SPNS2: variants seen among roughly 807,000 people sequenced by gnomAD.
SPNS2 encodes the protein sphingosine-1-phosphate transporter SPNS2.
In SPNS2, 37 loss-of-function variants were observed where a neutral mutation model predicts 57.6. That is an observed-to-expected ratio of 0.64 (90% confidence interval 0.49 to 0.85). The LOEUF is 0.85. Among genes scored for constraint, SPNS2 ranks in the 40% least tolerant of loss-of-function variants. The pLI, the probability that SPNS2 is intolerant of heterozygous loss-of-function variation, is 0.00. For missense variants in SPNS2, 831 were observed against 779.1 expected (o/e 1.07, Z -0.79); for synonymous variants, 440 against 346.9 (o/e 1.27, Z -2.98).
At position 4,512,303 on chromosome 17, in the gene SPNS2, G is replaced by T. The variant is rs1904848750; in HGVS notation, c.371-944G>T. On this transcript the variant is annotated intron_variant, in intron 1 of 12. Coordinates refer to ENST00000329078, the MANE Select transcript of SPNS2 (RefSeq NM_001124758.3). The surrounding 1 kb of genome is among the most constrained non-coding windows in gnomAD (Gnocchi z 5.2). ...CAGATAATGCAGGCAGGGACCCTGA[G>T]GCCCACGGGGATGGGGGTTGTGCTT... Among the ~76,000 whole-genome samples the T allele has an allele frequency of 3.9e-5, 6 of 152,206 alleles. No individual in the cohort carries two copies. In the South Asian group the frequency reaches 1.2e-3, roughly 32 times the overall value.
chr17:4,530,880 G>C (rs956143084), intron 4 of SPNS2, 97 bp downstream of exon 4: 15 of 1,512,528 alleles, frequency 9.9e-6, no homozygotes, highest in African/African-American at 1.4e-5. Context: ...GCCCAGGCAG[G>C]CGTCCTCAGA....
chr17:4,503,027 TC>T (rs1242395839), intron 1 of SPNS2, among the ~76,000 whole-genome samples: 1 of 152,238 alleles, frequency 6.6e-6, no homozygotes, highest in Non-Finnish European at 1.5e-5. Flanking sequence ...TGCTTGCTCT[TC>T]TTACCGAGCG....
At chr17:4,513,360 G>T in intron 2 of SPNS2, 48 bp downstream of exon 2, 2 of 1,601,582 alleles carry the variant, frequency 1.2e-6, no homozygotes, top group Non-Finnish European at 1.7e-6. Context: ...CGTTGGCGTC[G>T]TGGGTCCTGT....
Position 4,533,290 on chromosome 17 carries a change from T to G in SPNS2, c.1136T>G (p.Val379Gly). 6.2e-7 allele frequency: 1 copy of G among 1,610,634 alleles called. No homozygotes were observed. The highest frequency in any genetic ancestry group is 8.5e-7 in the Non-Finnish European group (1 of 1,178,394). Residue 379 changes from valine (V) to glycine (G), a missense_variant, in exon 8 of 13, where the codon GTC becomes GGC. Transcript: ENST00000329078. ...ITCFTGFLGV[V>G]TGAGATRWCR... Reference sequence around the variant, plus strand: ...TGCTTTACGGGATTTCTGGGCGTGGTCACGGGGGCAGGAGCCACGCGCTGG... The same window carrying G: ...TGCTTTACGGGATTTCTGGGCGTGGGCACGGGGGCAGGAGCCACGCGCTGG...
intron 5 of SPNS2, 92 bp downstream of exon 5, chr17:4,531,211 C>A: frequency 8.3e-7 from 1 of 1,211,240 alleles, no homozygotes; most frequent in South Asian, 1.3e-5. Context: ...AGGACCTAGG[C>A]CTCCAGGATT....
Position 4,530,687 on chromosome 17 carries a change from A to G in SPNS2, c.629A>G (p.Tyr210Cys). Reference sequence around the variant, plus strand: ...CTGGTGGGCATCGGGGAGGCCAGCTACTCCACCATCGCCCCCACTATCATT... The same window carrying G: ...CTGGTGGGCATCGGGGAGGCCAGCTGCTCCACCATCGCCCCCACTATCATT... ...RGLVGIGEAS[Y>C]STIAPTIIGD... Residue 210 changes from tyrosine to cysteine, a missense_variant, in exon 4 of 13, where the codon TAC (tyrosine) becomes TGC (cysteine). By Grantham distance (194) the Tyr-to-Cys change is radical. Coordinates refer to ENST00000329078, the MANE Select transcript of SPNS2 (RefSeq NM_001124758.3). The G allele has an allele frequency of 6.2e-7, 1 of 1,613,376 alleles. No homozygotes were observed. Among genetic ancestry groups the G allele is most frequent in the Non-Finnish European group, 8.5e-7 (1 of 1,179,768 alleles).
intron 3 of SPNS2, among the ~76,000 whole-genome samples, chr17:4,527,666 G>A (rs1267720998): frequency 6.6e-5 from 10 of 152,166 alleles, no homozygotes; most frequent in Admixed American, 6.5e-4. Flanking sequence ...CTAGTAACCA[G>A]GGAAATGCAA....
chr17:4,516,293 G>A (rs1351548381), intron 2 of SPNS2, among the ~76,000 whole-genome samples: 2 of 129,142 alleles, frequency 1.5e-5, no homozygotes, highest in Admixed American at 9.1e-5. Flanking sequence ...CAGCCTGGGT[G>A]ACAGAGTGAG....
At chr17:4,534,339 G>T (rs1236213089) in intron 9 of SPNS2, 1 of 195,288 alleles carries the variant, frequency 5.1e-6, no homozygotes, top group Non-Finnish European at 1.1e-5. Flanking sequence ...GGCCAGCAGG[G>T]GCTTGTGTCC....
At chr17:4,536,653 G>A (rs1690503608) in intron 11 of SPNS2, 4 of 672,616 alleles carry the variant, frequency 5.9e-6, no homozygotes, top group African/African-American at 1.8e-5. Context: ...TTTGTCTCTG[G>A]ACTTAGTGGT....
intron 9 of SPNS2, among the ~76,000 whole-genome samples, chr17:4,534,612 A>C (rs1176374155): frequency 2.0e-5 from 3 of 151,040 alleles, no homozygotes; most frequent in African/African-American, 7.4e-5. Context: ...TGTGCCAGGC[A>C]CTGCGGCCCC....
intron 4 of SPNS2, 37 bp downstream of exon 4, chr17:4,530,820 T>G (rs1370005033): frequency 6.3e-7 from 1 of 1,595,700 alleles, no homozygotes; most frequent in Non-Finnish European, 8.5e-7. Context: ...GGTGAGGATC[T>G]GGGCAAGGTT....
At chr17:4,502,995 G>A (rs1022407049) in intron 1 of SPNS2, among the ~76,000 whole-genome samples, 2 of 152,216 alleles carry the variant, frequency 1.3e-5, no homozygotes, top group Admixed American at 1.3e-4. Flanking sequence ...CCTCAGAGCG[G>A]GTGAGGAGGG....
At chr17:4,529,935 G>A (rs1205379047) in intron 3 of SPNS2, among the ~76,000 whole-genome samples, 7 of 152,278 alleles carry the variant, frequency 4.6e-5, no homozygotes, top group Admixed American at 1.3e-4. Context: ...GGACGCGGGC[G>A]ATGCTGGCCA....
chr17:4,527,046 C>G (rs762614593), intron 3 of SPNS2, among the ~76,000 whole-genome samples: 33 of 152,210 alleles, frequency 2.2e-4, no homozygotes, highest in Non-Finnish European at 4.3e-4. Flanking sequence ...TCTAGGACCA[C>G]CATGCCAGGT....
intron 11 of SPNS2, 174 bp from the exon 12 acceptor site, chr17:4,536,726 C>G: frequency 1.5e-6 from 1 of 655,548 alleles, no homozygotes; most frequent in Non-Finnish European, 2.7e-6. Context: ...TTCCTCTTTA[C>G]TCCTCTCTCT....
intron 2 of SPNS2, among the ~76,000 whole-genome samples, chr17:4,519,237 G>C (rs949416786): frequency 2.0e-5 from 3 of 152,230 alleles, no homozygotes; most frequent in Non-Finnish European, 4.4e-5. Context: ...CAAGGCCACA[G>C]GGCGGGGGCT....
chr17:4,534,175 C>A (rs923201372), intron 9 of SPNS2, among the ~76,000 whole-genome samples: 2 of 152,162 alleles, frequency 1.3e-5, no homozygotes, highest in Non-Finnish European at 2.9e-5. Context: ...CCCTCCTCCC[C>A]CCGCTGGGTC....
intron 8 of SPNS2, 102 bp from the exon 9 acceptor site, chr17:4,533,686 G>C: frequency 7.2e-7 from 1 of 1,390,526 alleles, no homozygotes; most frequent in Non-Finnish European, 1.0e-6. Flanking sequence ...GGGGTGTGAG[G>C]TTTTGTGGGC....
Sources: allele counts gnomAD v4.1 joint callset (sites outside exome capture counted in the v4.1 genomes callset), GRCh38; gene constraint gnomAD v4.1.1; non-coding constraint Gnocchi (gnomAD v3.1); transcripts MANE v1.5; gene names NCBI Gene and HGNC (gene_info 2026-07-23, HGNC 2026-07-21).